Variants in DEFB107B observed in about 807,000 individuals in gnomAD.
DEFB107B encodes beta-defensin 107.
intron 1 of DEFB107B, among the ~76,000 whole-genome samples, chr8:7,506,523 C>A (rs1811945135): frequency 1.1e-4 from 1 of 8,966 alleles, no homozygotes; most frequent in African/African-American, 2.8e-4. Flanking sequence ...TGGAGGATCC[C>A]GCCAGCCTCT....
At chr8:7,508,081 A>ATGTG (rs72329447) in intron 1 of DEFB107B, among the ~76,000 whole-genome samples, 29 of 43,010 alleles carry the variant, frequency 6.7e-4, no homozygotes, top group East Asian at 4.6e-3. Context: ...ATATATATAT[A>ATGTG]TATGTGTGTG....
intron 1 of DEFB107B, among the ~76,000 whole-genome samples, chr8:7,496,493 G>A (rs553243119): frequency 1.3e-5 from 2 of 151,864 alleles, no homozygotes; most frequent in African/African-American, 2.4e-5. Flanking sequence ...GTAGAGACGG[G>A]GTTTCACCGT....
At chr8:7,497,384 T>A (rs1272823442) in intron 1 of DEFB107B, among the ~76,000 whole-genome samples, 1 of 152,230 alleles carries the variant, frequency 6.6e-6, no homozygotes, top group African/African-American at 2.4e-5. Context: ...TTTTCACAAG[T>A]GCCATAAAAG....
At chr8:7,496,472 T>C (rs1438179757) in intron 1 of DEFB107B, among the ~76,000 whole-genome samples, 1 of 151,968 alleles carries the variant, frequency 6.6e-6, no homozygotes, top group East Asian at 1.9e-4. Context: ...GCTAATTTTT[T>C]TGTATTTTTA....
chr8:7,497,629 A>G (rs540859735), intron 1 of DEFB107B, among the ~76,000 whole-genome samples: 529 of 151,492 alleles, frequency 3.5e-3, no homozygotes, highest in Middle Eastern at 6.8e-3. Flanking sequence ...CAGATGTCAG[A>G]CAATGCTCCA....
At chr8:7,496,426 A>T (rs1335124479) in intron 1 of DEFB107B, among the ~76,000 whole-genome samples, 1 of 144,048 alleles carries the variant, frequency 6.9e-6, no homozygotes, top group Non-Finnish European at 1.5e-5. Context: ...CAGCCTCCCG[A>T]GTAGCTGGGA....
At chr8:7,496,454 C>T (rs1180887204) in intron 1 of DEFB107B, among the ~76,000 whole-genome samples, 7 of 151,114 alleles carry the variant, frequency 4.6e-5, no homozygotes, top group Non-Finnish European at 8.9e-5. Flanking sequence ...CACCCGCCAC[C>T]ACGCCTGGCT....
chr8:7,508,276 CA>C (rs533683587), intron 1 of DEFB107B, among the ~76,000 whole-genome samples: 116 of 139,758 alleles, frequency 8.3e-4, no homozygotes, highest in Non-Finnish European at 1.3e-3. Context: ...TTGGCACTAA[CA>C]AAATATATTC....
rs867460559 is a variant in DEFB107B at position 7,506,720 on chromosome 8, C to T, written c.71-2361C>T. Among the ~76,000 whole-genome samples the T allele has an allele frequency of 9.8e-3, 67 of 6,848 alleles. 29 individuals carry two copies. Among genetic ancestry groups the T allele is most frequent in the Middle Eastern group, 0.043 (2 of 46 alleles). 4.5% of individuals were successfully genotyped at this position (6,848 alleles called of 152,430 possible). A position where few individuals can be genotyped will look rare whatever the true frequency, so the allele number is the denominator to read the frequency against. On this transcript the variant is annotated intron_variant, in intron 1 of 1. Coordinates refer to ENST00000355602, the MANE Select transcript of DEFB107B (RefSeq NM_001040705.2). ...ATGCATACACATAAACATCTCAGTGCTTTACAAAGCAGTATTGCTGCCCGC... is the reference window on the plus strand; with the variant it reads ...ATGCATACACATAAACATCTCAGTGTTTTACAAAGCAGTATTGCTGCCCGC...
chr8:7,497,266 G>A (rs1401590874), intron 1 of DEFB107B, among the ~76,000 whole-genome samples: 2 of 152,172 alleles, frequency 1.3e-5, no homozygotes, highest in African/African-American at 2.4e-5. Flanking sequence ...TATGTTGTTC[G>A]AAAATAGGTT....
chr8:7,508,091 G>A (rs1811987575), intron 1 of DEFB107B, among the ~76,000 whole-genome samples: 1 of 114,632 alleles, frequency 8.7e-6, no homozygotes, highest in Non-Finnish European at 1.8e-5. Flanking sequence ...ATATGTGTGT[G>A]TGTGTGTATG....
At chr8:7,497,444 G>A (rs1811797068) in intron 1 of DEFB107B, among the ~76,000 whole-genome samples, 2 of 151,670 alleles carry the variant, frequency 1.3e-5, no homozygotes, top group East Asian at 2.0e-4. Context: ...GTTCTAACTA[G>A]GAAATGCAGA....
chr8:7,502,475 C>G (rs1811881197), intron 1 of DEFB107B, among the ~76,000 whole-genome samples: 1 of 22,314 alleles, frequency 4.5e-5, no homozygotes, highest in Admixed American at 5.7e-4. Flanking sequence ...GCTAAGGGAT[C>G]TATTCTATTT....
chr8:7,497,554 A>T (rs1811801070), intron 1 of DEFB107B, among the ~76,000 whole-genome samples: 1 of 152,142 alleles, frequency 6.6e-6, no homozygotes, highest in Admixed American at 6.5e-5. Flanking sequence ...TGAAAGTTTC[A>T]GTGACTCCAT....
chr8:7,502,390 T>C, intron 1 of DEFB107B, among the ~76,000 whole-genome samples: 1 of 22,002 alleles, frequency 4.5e-5, no homozygotes, highest in Middle Eastern at 0.011. Flanking sequence ...GAATGACCAC[T>C]CCACAAGATC....
chr8:7,496,692 T>G lies in DEFB107B; in HGVS notation c.70+689T>G, dbSNP rs1301899023. ...GGAAATGCCAAACATATTTGTTAAG[T>G]TAGGGAAGTACAGCCTTTGTAGTCT... On this transcript the variant is annotated intron_variant, in intron 1 of 1. Transcript: ENST00000355602. 4.7e-5 allele frequency among the ~76,000 whole-genome samples: 6 copies of G among 128,736 alleles called. No individual in the cohort carries two copies. The South Asian group carries it at 1.3e-3, about 28-fold the overall frequency. 84.5% of individuals were successfully genotyped at this position (128,736 alleles called of 152,430 possible).
At chr8:7,496,531 A>AC (rs1399225586) in intron 1 of DEFB107B, among the ~76,000 whole-genome samples, 1 of 151,606 alleles carries the variant, frequency 6.6e-6, no homozygotes, top group Non-Finnish European at 1.5e-5. Context: ...TGATGTCCTG[A>AC]CTTCGTGATC....
At chr8:7,496,939 CTG>C (rs1811773116) in intron 1 of DEFB107B, among the ~76,000 whole-genome samples, 1 of 116,506 alleles carries the variant, frequency 8.6e-6, no homozygotes. Context: ...AACCACGACT[CTG>C]TTCCTAAGAA....
At chr8:7,503,168 G>A (rs1585544487) in intron 1 of DEFB107B, among the ~76,000 whole-genome samples, 1 of 23,732 alleles carries the variant, frequency 4.2e-5, no homozygotes, top group Non-Finnish European at 1.8e-4. Flanking sequence ...GGTTGGAGAG[G>A]CCCCATGGGT....
Sources: allele counts gnomAD v4.1 joint callset (sites outside exome capture counted in the v4.1 genomes callset), GRCh38; gene constraint gnomAD v4.1.1; transcripts MANE v1.5; gene names NCBI Gene and HGNC (gene_info 2026-07-23, HGNC 2026-07-21).